Variants in HEATR5B observed in about 807,000 individuals in gnomAD.
HEATR5B encodes the protein HEAT repeat-containing protein 5B.
A neutral mutation model predicts 224.1 loss-of-function variants in HEATR5B; 156 were observed. That is an observed-to-expected ratio of 0.70 (90% CI 0.61 to 0.80). HEATR5B has a LOEUF of 0.80. Among genes scored for constraint, HEATR5B ranks in the 30% least tolerant of loss-of-function variants. HEATR5B has a pLI of 0.00. For synonymous variants in HEATR5B, 1,027 were observed against 893.0 expected (o/e 1.15, Z -2.68); for missense variants, 2,323 against 2,535.5 (o/e 0.92, Z 1.80).
At chr2:37,051,900 T>C (rs1053450039) in intron 17 of HEATR5B, among the ~76,000 whole-genome samples, 2 of 151,950 alleles carry the variant, frequency 1.3e-5, no homozygotes, top group African/African-American at 4.8e-5. Flanking sequence ...ACACCACGCC[T>C]GGCTAATTTT....
At chr2:36,993,230 G>A (rs1226926505) in intron 33 of HEATR5B, among the ~76,000 whole-genome samples, 2 of 151,476 alleles carry the variant, frequency 1.3e-5, no homozygotes, top group South Asian at 2.1e-4. Context: ...GGGACCCACT[G>A]AATTAAAAAA....
chr2:37,058,646 C>T (rs1402744648), intron 13 of HEATR5B, 86 bp from the exon 14 acceptor site: 2 of 867,884 alleles, frequency 2.3e-6, no homozygotes, highest in Non-Finnish European at 3.8e-6. Context: ...AATGTACTGC[C>T]AAACTACACT....
At chr2:37,036,355 C>T (rs191184225) in intron 21 of HEATR5B, among the ~76,000 whole-genome samples, 196 of 152,304 alleles carry the variant, frequency 1.3e-3, no homozygotes, top group Non-Finnish European at 2.3e-3. Context: ...GCCTTAATCA[C>T]ACTAACTAAT....
chr2:37,058,377 T>C (rs1671044094), intron 14 of HEATR5B, 74 bp downstream of exon 14: 1 of 848,024 alleles, frequency 1.2e-6, no homozygotes, highest in African/African-American at 1.7e-5. Flanking sequence ...GGGAGAGCCT[T>C]TGTCAAGACT....
At chr2:36,998,630 C>T (rs1666882873) in intron 33 of HEATR5B, among the ~76,000 whole-genome samples, 2 of 151,938 alleles carry the variant, frequency 1.3e-5, no homozygotes, top group South Asian at 4.2e-4. Flanking sequence ...TTAGAAACAA[C>T]AAAAATATCA....
Position 37,008,594 on chromosome 2 carries a change from C to T in HEATR5B, c.4522+17G>A, listed in dbSNP as rs1173019920. ...CTTTGAACTCCATAAAAGTAAAACT[C>T]AGAATGTAATACTCACCATCTGGAG... On this transcript the variant is annotated intron_variant, in intron 28 of 35. Transcript: ENST00000233099. The T allele has an allele frequency of 1.3e-6, 2 of 1,553,594 alleles. No homozygotes were observed. Among genetic ancestry groups the T allele is most frequent in the Non-Finnish European group, 1.8e-6 (2 of 1,124,936 alleles).
intron 5 of HEATR5B, 61 bp downstream of exon 5, chr2:37,075,424 C>A: frequency 1.6e-6 from 2 of 1,283,594 alleles, no homozygotes; most frequent in African/African-American, 1.5e-5. Context: ...AAAAAAAAAT[C>A]GTTGACTGTT....
chr2:37,037,728 A>T (rs1009276492), intron 21 of HEATR5B, 127 bp downstream of exon 21: 3 of 471,886 alleles, frequency 6.4e-6, no homozygotes, highest in Non-Finnish European at 3.6e-6. Flanking sequence ...TATATACTGT[A>T]GGCTTGCATC....
intron 16 of HEATR5B, among the ~76,000 whole-genome samples, chr2:37,055,511 C>T (rs1334602865): frequency 6.6e-6 from 1 of 152,140 alleles, no homozygotes; most frequent in Non-Finnish European, 1.5e-5. Context: ...CATCATTTAA[C>T]ATTTATGTGG....
rs771333372 is a variant in HEATR5B at position 37,002,420 on chromosome 2, A to C, written c.5203T>G (p.Ser1735Ala). ...GTGGCTATGTGACTTGGAGAGTCTG[A>C]CACCTTGGTACTGAGATGTGGCATA... The part of the protein sequence containing the change: ...RHMPHLSTKV[S>A]DSPSHIATKT... The change falls in exon 32 of 36, where the codon TCA (serine) becomes GCA (alanine). Residue 1735 changes from serine (S) to alanine (A), a missense_variant. Ser to Ala is a moderately conservative substitution (Grantham distance 99). Coordinates refer to ENST00000233099, the MANE Select transcript of HEATR5B (RefSeq NM_019024.3). 2 of 1,614,226 alleles carry C rather than the reference A, an allele frequency of 1.2e-6. No homozygotes were observed. Among genetic ancestry groups the C allele is most frequent in the South Asian group, 2.2e-5 (2 of 91,086 alleles).
intron 21 of HEATR5B, among the ~76,000 whole-genome samples, chr2:37,036,619 C>G (rs547686930): frequency 1.3e-5 from 2 of 152,024 alleles, no homozygotes; most frequent in Admixed American, 1.3e-4. Context: ...TCAAGCAGTT[C>G]TCCTGCTTCA....
At chr2:37,001,253 A>G (rs1184934446) in intron 32 of HEATR5B, among the ~76,000 whole-genome samples, 2 of 152,196 alleles carry the variant, frequency 1.3e-5, no homozygotes, top group African/African-American at 4.8e-5. Flanking sequence ...CAGGAAAGTA[A>G]AAGGACTACT....
chr2:37,036,513 ATTG>A (rs532992909), intron 21 of HEATR5B, among the ~76,000 whole-genome samples: 1 of 97,134 alleles, frequency 1.0e-5, no homozygotes, highest in Admixed American at 8.8e-5. Flanking sequence ...TTAAATATCA[ATTG>A]TTTTTTTTTT....
chr2:37,053,512 C>T lies in HEATR5B; in HGVS notation c.2495G>A (p.Ser832Asn), dbSNP rs1323827914. 1 of 1,592,044 alleles carries T rather than the reference C, an allele frequency of 6.3e-7. No individual in the cohort carries two copies. Among genetic ancestry groups the T allele is most frequent in the East Asian group, 2.2e-5 (1 of 44,662 alleles). The change falls in exon 17 of 36, where the codon AGT (serine) becomes AAT (asparagine). Residue 832 changes from serine (S) to asparagine (N), a missense_variant. Physicochemically the swap from Ser to Asn is conservative, Grantham distance 46. Around this residue, in one of 12 missense-constraint regions of HEATR5B, gnomAD observed 170 missense variants for 216.7 expected, o/e 0.78. Transcript: ENST00000233099. ...ATTAAAAGTAAATACCTTTAGTGCA[C>T]TAAGAACAGCAGTAAATATGTTAAG... is the stretch of plus-strand genomic sequence containing the variant. ...VQLNIFTAVL[S>N]ALKGLAENKS...
intron 35 of HEATR5B, 57 bp from the exon 36 acceptor site, chr2:36,981,851 A>C: frequency 7.5e-7 from 1 of 1,332,544 alleles, no homozygotes; most frequent in Non-Finnish European, 1.0e-6. Flanking sequence ...AATAAACTTT[A>C]AAAACTAGGC....
chr2:37,081,304 T>C (rs1366874831), intron 2 of HEATR5B, among the ~76,000 whole-genome samples: 3 of 152,338 alleles, frequency 2.0e-5, no homozygotes, highest in Middle Eastern at 3.4e-3. Flanking sequence ...ATGTGCCATG[T>C]TGGTGTGCTG....
At chr2:36,988,991 A>T in intron 34 of HEATR5B, 132 bp from the exon 35 acceptor site, 1 of 649,534 alleles carries the variant, frequency 1.5e-6, no homozygotes, top group East Asian at 2.7e-5. Flanking sequence ...TTTTCTACTT[A>T]GAGAAATGGA....
At position 37,064,915 on chromosome 2, in the gene HEATR5B, C is replaced by T. The variant is rs763857616; in HGVS notation, c.1409G>A (p.Arg470His). 1.4e-5 allele frequency: 22 copies of T among 1,613,970 alleles called. No homozygotes were observed. The highest frequency in any genetic ancestry group is 1.7e-5 in the Non-Finnish European group (20 of 1,180,012). ...GAAAGGTAATGCCACAGCCACACAGCGCAAACACCATGCAGCAGCAAGTCG... is the reference window on the plus strand; with the variant it reads ...GAAAGGTAATGCCACAGCCACACAGTGCAAACACCATGCAGCAGCAAGTCG... ...AARLAAAWCL[R>H]CVAVALPFQL... The change falls in exon 10 of 36, where the codon CGC (arginine) becomes CAC (histidine). Residue 470 changes from arginine (R) to histidine (H), a missense_variant. Coordinates refer to ENST00000233099, the MANE Select transcript of HEATR5B (RefSeq NM_019024.3).
intron 22 of HEATR5B, 42 bp from the exon 23 acceptor site, chr2:37,028,962 G>A: frequency 6.2e-7 from 1 of 1,602,466 alleles, no homozygotes; most frequent in East Asian, 2.2e-5. Context: ...TGGTATTTTG[G>A]TGTACGCTAT....
Sources: gnomAD v4.1 joint callset for allele counts (sites outside exome capture counted in the v4.1 genomes callset) on GRCh38, gnomAD v4.1.1 for gene constraint, gnomAD v4.1.1 regional missense constraint, MANE v1.5 for transcripts, NCBI Gene and HGNC (gene_info 2026-07-23, HGNC 2026-07-21) for gene names.